ILDR1: variants seen among roughly 807,000 people sequenced by gnomAD.
The protein encoded by ILDR1 is immunoglobulin-like domain-containing receptor 1.
A neutral mutation model predicts 62.4 loss-of-function variants in ILDR1; 56 were observed. The ratio of observed to expected loss-of-function variants is 0.90; its 90% CI spans 0.72 to 1.12. The LOEUF (loss-of-function observed/expected upper bound fraction) is 1.12, where lower values mean the gene tolerates loss of function less well. Among genes scored for constraint, ILDR1 ranks in the 50% most tolerant of loss-of-function variants. The pLI, the probability that ILDR1 is intolerant of heterozygous loss-of-function variation, is 0.00. For missense variants in ILDR1, 736 were observed against 710.6 expected (o/e 1.04, Z -0.41); for synonymous variants, 284 against 277.8 (o/e 1.02, Z -0.22).
rs1241568904 is a variant in ILDR1, at chr3:121,987,507, T to C, written c.*860A>G. 2 of 152,156 alleles carry C rather than the reference T, an allele frequency of 1.3e-5. No individual in the cohort carries two copies. Among genetic ancestry groups the C allele is most frequent in the Non-Finnish European group, 2.9e-5 (2 of 68,068 alleles). The allele number at this position is 152,156 out of a possible 1,614,324, so 9.4% of individuals were successfully genotyped here. A position where few individuals can be genotyped will look rare whatever the true frequency, so the allele number is the denominator to read the frequency against. ...GCAAGAGGAAAACAAGGCACAGGAA[T>C]AAGGCTGGTGCAAAACTGCTTCTCT... On this transcript the variant is annotated 3_prime_UTR_variant, in exon 8 of 8. Coordinates refer to ENST00000344209, the MANE Select transcript of ILDR1 (RefSeq NM_001199799.2).
At chr3:122,040,739 A>G in the ILDR1 span, among the ~76,000 whole-genome samples, 8 of 55,980 alleles carry the variant, frequency 1.4e-4, no homozygotes, top group African/African-American at 1.1e-3. Flanking sequence ...AAAAAAAAGA[A>G]AAAAAAAAAA....
In ILDR1 at chr3:122,022,198, G is replaced by A. The variant is rs934393689; in HGVS notation, c.-121C>T. ...GAACCCCTCGGGTTTCCCCTCCCTC[G>A]GCGCAGCGGGGAGGGAGCGTCCGCT... On this transcript the variant is annotated 5_prime_UTR_variant, in exon 1 of 8. Transcript: ENST00000344209. 1.2e-4 allele frequency: 98 copies of A among 851,916 alleles called. No individual in the cohort carries two copies. The highest frequency in any genetic ancestry group is 1.7e-4 in the Non-Finnish European group (92 of 552,974). The allele number at this position is 851,916 out of a possible 1,614,324, so 52.8% of individuals were successfully genotyped here. A position where few individuals can be genotyped will look rare whatever the true frequency, so the allele number is the denominator to read the frequency against.
chr3:122,005,185 G>C (rs2071584650), intron 3 of ILDR1, 59 bp downstream of exon 3: 1 of 1,238,112 alleles, frequency 8.1e-7, no homozygotes, highest in Non-Finnish European at 1.2e-6. Flanking sequence ...CAGCCTGCCA[G>C]GCCTGGTGTC....
chr3:122,029,511 A>ATATATATATATATATATATATATATAT, the ILDR1 span, among the ~76,000 whole-genome samples: 4 of 139,502 alleles, frequency 2.9e-5, no homozygotes, highest in African/African-American at 8.5e-5. Context: ...GTCTAAAAAA[A>ATATATATATATATATATATATATATAT]ATATATATAT....
intron 1 of ILDR1, among the ~76,000 whole-genome samples, chr3:122,017,685 CAAA>C (rs2107678417): frequency 6.6e-6 from 1 of 152,188 alleles, no homozygotes; most frequent in African/African-American, 2.4e-5. Flanking sequence ...AGAACTTAAA[CAAA>C]TTTACAAGAA....
At chr3:122,025,901 T>C (rs2071917437), upstream of ILDR1, among the ~76,000 whole-genome samples, 1 of 152,192 alleles carries the variant, frequency 6.6e-6, no homozygotes, top group African/African-American at 2.4e-5. Flanking sequence ...ATCTGAAATA[T>C]AGATATACTC....
At chr3:121,994,531 C>A (rs1436182615) in intron 5 of ILDR1, among the ~76,000 whole-genome samples, 1 of 152,182 alleles carries the variant, frequency 6.6e-6, no homozygotes, top group Non-Finnish European at 1.5e-5. Context: ...CTTTTGTACC[C>A]CAGTAAAGTA....
intron 2 of ILDR1, 30 bp downstream of exon 2, chr3:122,006,961 A>G (rs777608250): frequency 1.2e-6 from 2 of 1,602,262 alleles, no homozygotes; most frequent in Non-Finnish European, 1.7e-6. Context: ...TCTGGGACCC[A>G]CAGAGGGCCA....
intron 3 of ILDR1, among the ~76,000 whole-genome samples, chr3:122,004,727 A>G (rs1442620244): frequency 6.6e-6 from 1 of 152,220 alleles, no homozygotes; most frequent in African/African-American, 2.4e-5. Context: ...TCACTGAGCT[A>G]GTGAGAGGAA....
Position 121,988,209 on chromosome 3 carries a change from A to G in ILDR1, c.*158T>C. The G allele has an allele frequency of 1.4e-6, 1 of 709,110 alleles. No individual in the cohort carries two copies. The highest frequency in any genetic ancestry group is 2.6e-6 in the Non-Finnish European group (1 of 386,514). 43.9% of individuals were successfully genotyped at this position (709,110 alleles called of 1,614,324 possible). A position where few individuals can be genotyped will look rare whatever the true frequency, so the allele number is the denominator to read the frequency against. ...GTGTGAGCCACTATACCCAATCTCA[A>G]ACTCTTGTATTTAAAATTCTTCTAT... On this transcript the variant is annotated 3_prime_UTR_variant, in exon 8 of 8. Coordinates refer to ENST00000344209, the MANE Select transcript of ILDR1 (RefSeq NM_001199799.2).
intron 1 of ILDR1, among the ~76,000 whole-genome samples, chr3:122,020,274 C>G (rs1297883093): frequency 6.6e-6 from 1 of 152,146 alleles, no homozygotes; most frequent in African/African-American, 2.4e-5. Context: ...TCACTTAATC[C>G]TCACAAAAGC....
At chr3:122,034,708 C>A in the ILDR1 span, among the ~76,000 whole-genome samples, 3 of 152,098 alleles carry the variant, frequency 2.0e-5, no homozygotes, top group South Asian at 2.1e-4. Flanking sequence ...TAAAGACATA[C>A]CCGAGACTGG....
In ILDR1 at chr3:121,988,237, G is replaced by C; in HGVS notation, c.*130C>G. ...TCTTGTATTTAAAATTCTTCTATTTGATTCTCAGAATCTAAGCCAAAAACT... is the reference window on the plus strand; with the variant it reads ...TCTTGTATTTAAAATTCTTCTATTTCATTCTCAGAATCTAAGCCAAAAACT... On this transcript the variant is annotated 3_prime_UTR_variant, in exon 8 of 8. Transcript: ENST00000344209. 1.3e-6 allele frequency: 1 copy of C among 777,604 alleles called. No individual in the cohort carries two copies. Among genetic ancestry groups the C allele is most frequent in the Non-Finnish European group, 2.3e-6 (1 of 432,766 alleles). 48.2% of individuals were successfully genotyped at this position (777,604 alleles called of 1,614,324 possible).
At chr3:122,060,931 GA>G in the ILDR1 span, among the ~76,000 whole-genome samples, 35 of 151,626 alleles carry the variant, frequency 2.3e-4, no homozygotes, top group African/African-American at 7.7e-4. Context: ...AACAGAATGG[GA>G]AAAAAAACCC....
intron 5 of ILDR1, among the ~76,000 whole-genome samples, chr3:121,996,068 A>G (rs1030106316): frequency 6.6e-6 from 1 of 152,158 alleles, no homozygotes; most frequent in Admixed American, 6.5e-5. Context: ...TCCACTCCAG[A>G]CTAGTCTCTC....
At chr3:122,001,672 T>C (rs559607245) in intron 4 of ILDR1, 73 bp downstream of exon 4, 9 of 1,599,414 alleles carry the variant, frequency 5.6e-6, no homozygotes, top group African/African-American at 5.4e-5. Flanking sequence ...TTCTGGTTTT[T>C]TTTTTTTTTT....
intron 5 of ILDR1, among the ~76,000 whole-genome samples, chr3:121,996,469 T>C (rs2071437274): frequency 6.6e-6 from 1 of 152,192 alleles, no homozygotes; most frequent in Middle Eastern, 3.2e-3. Flanking sequence ...AGCTTTTCTC[T>C]TGCGTGCCTT....
chr3:121,997,367 G>A (rs1034664386), intron 5 of ILDR1, among the ~76,000 whole-genome samples: 1 of 152,204 alleles, frequency 6.6e-6, no homozygotes, highest in African/African-American at 2.4e-5. Flanking sequence ...ACTACCAGCA[G>A]ATGCTTCTGG....
intron 5 of ILDR1, among the ~76,000 whole-genome samples, chr3:121,996,059 C>T (rs376018023): frequency 4.6e-4 from 70 of 152,326 alleles, no homozygotes; most frequent in Middle Eastern, 3.4e-3. Context: ...CTTTCAAAGT[C>T]CACTCCAGAC....
Sources: allele counts gnomAD v4.1 joint callset (sites outside exome capture counted in the v4.1 genomes callset), GRCh38; gene constraint gnomAD v4.1.1; transcripts MANE v1.5; gene names NCBI Gene and HGNC (gene_info 2026-07-23, HGNC 2026-07-21).